MTPAP: variants seen among roughly 807,000 people sequenced by gnomAD.
MTPAP encodes poly(A) RNA polymerase, mitochondrial.
In MTPAP, 23 loss-of-function variants were observed where a neutral mutation model predicts 48.7. The ratio of observed to expected loss-of-function variants is 0.47; its 90% CI spans 0.34 to 0.67. MTPAP has a LOEUF of 0.67. Among genes scored for constraint, MTPAP ranks in the 30% least tolerant of loss-of-function variants. The pLI, the probability that MTPAP is intolerant of heterozygous loss-of-function variation, is 0.01. For missense variants in MTPAP, 614 were observed against 694.3 expected (o/e 0.88, Z 1.30); for synonymous variants, 257 against 254.1 (o/e 1.01, Z -0.11).
At chr10:30,327,941 C>T (rs187571563) in intron 4 of MTPAP, among the ~76,000 whole-genome samples, 4 of 151,704 alleles carry the variant, frequency 2.6e-5, no homozygotes, top group Admixed American at 2.0e-4. Context: ...TGAGTGAATG[C>T]TTTTACGATC....
intron 4 of MTPAP, among the ~76,000 whole-genome samples, chr10:30,333,665 A>G (rs891722866): frequency 1.3e-5 from 2 of 152,178 alleles, no homozygotes; most frequent in African/African-American, 2.4e-5. Context: ...CTATAATCGT[A>G]GCACTTGGGG....
intron 3 of MTPAP, among the ~76,000 whole-genome samples, chr10:30,338,748 C>A (rs1564523237): frequency 6.6e-6 from 1 of 152,128 alleles, no homozygotes; most frequent in East Asian, 1.9e-4. Context: ...GAAAATTAAA[C>A]CTTGAAAATA....
At chr10:30,318,208 T>A (rs959615479) in intron 6 of MTPAP, among the ~76,000 whole-genome samples, 2 of 152,280 alleles carry the variant, frequency 1.3e-5, no homozygotes, top group African/African-American at 4.8e-5. Context: ...TAAATAAGCC[T>A]CCTATAAATT....
chr10:30,328,296 A>G (rs1221843069), intron 4 of MTPAP, among the ~76,000 whole-genome samples: 2 of 152,242 alleles, frequency 1.3e-5, no homozygotes, highest in Non-Finnish European at 2.9e-5. Flanking sequence ...AAAGACAAAC[A>G]GGTTAGTGAC....
chr10:30,340,301 C>T lies in MTPAP; in HGVS notation c.480G>A (p.Arg160=), dbSNP rs1247840684. The T allele has an allele frequency of 6.2e-7, 1 of 1,614,114 alleles. No homozygotes were observed. Among genetic ancestry groups the T allele is most frequent in the South Asian group, 1.1e-5 (1 of 91,076 alleles). The change falls in exon 3 of 9, where the codon CGG becomes CGA. Residue 160 remains arginine, a synonymous_variant. Coordinates refer to ENST00000263063, the MANE Select transcript of MTPAP (RefSeq NM_018109.4). ...NLKLKNQTSE[R]SRVRSSNQLP... is the part of the protein sequence containing the mutation. ...ACTGATTACTTGACCGTACGCGTGA[C>T]CGTTCAGAAGTCTGGTTTTTCAACT...
At chr10:30,329,064 T>G (rs1834632308) in intron 4 of MTPAP, among the ~76,000 whole-genome samples, 1 of 151,524 alleles carries the variant, frequency 6.6e-6, no homozygotes, top group South Asian at 2.1e-4. Context: ...GCCAACATGG[T>G]GAAACCCCAT....
intron 4 of MTPAP, among the ~76,000 whole-genome samples, chr10:30,332,590 G>A (rs904855285): frequency 9.2e-5 from 14 of 152,186 alleles, no homozygotes; most frequent in South Asian, 2.1e-4. Context: ...CACTGTGCCC[G>A]GCCCAAAATG....
At chr10:30,337,318 G>A (rs1209463961) in intron 3 of MTPAP, among the ~76,000 whole-genome samples, 1 of 152,190 alleles carries the variant, frequency 6.6e-6, no homozygotes, top group Non-Finnish European at 1.5e-5. Context: ...CAGCTACTCA[G>A]GAGGCTGAGG....
chr10:30,341,708 G>T (rs963185528), intron 1 of MTPAP, 68 bp from the exon 2 acceptor site: 2 of 1,563,964 alleles, frequency 1.3e-6, no homozygotes, highest in Non-Finnish European at 8.8e-7. Context: ...TTTTGATAAG[G>T]TGTTTAAAGA....
intron 1 of MTPAP, 120 bp from the exon 2 acceptor site, chr10:30,341,760 T>TC: frequency 9.5e-7 from 1 of 1,049,560 alleles, no homozygotes; most frequent in Non-Finnish European, 1.4e-6. Context: ...ATCTATTTTT[T>TC]CTCTTCCTTT....
At chr10:30,348,991 G>T in intron 1 of MTPAP, 128 bp downstream of exon 1, 1 of 1,386,330 alleles carries the variant, frequency 7.2e-7, no homozygotes, top group Non-Finnish European at 1.0e-6. Context: ...GGAGAGGAGA[G>T]GACAGGACAC....
rs757093753 is a variant in MTPAP, at chr10:30,340,311, G to A, written c.470C>T (p.Thr157Ile). Residue 157 changes from threonine to isoleucine, a missense_variant, in exon 3 of 9, where the codon ACT becomes ATT. Physicochemically the swap from Thr to Ile is moderately conservative, Grantham distance 89. Transcript: ENST00000263063. ...TGACCGTACGCGTGACCGTTCAGAAGTCTGGTTTTTCAACTTCAGATTGAA... is the reference window on the plus strand; with the variant it reads ...TGACCGTACGCGTGACCGTTCAGAAATCTGGTTTTTCAACTTCAGATTGAA... ...RFFNLKLKNQ[T>I]SERSRVRSSN... 1 of 1,614,190 alleles carries A rather than the reference G, an allele frequency of 6.2e-7. No individual in the cohort carries two copies. The highest frequency in any genetic ancestry group is 1.7e-5 in the Admixed American group (1 of 60,022).
intron 6 of MTPAP, 91 bp from the exon 7 acceptor site, chr10:30,316,301 G>A (rs1255121820): frequency 3.1e-5 from 31 of 995,702 alleles, no homozygotes; most frequent in South Asian, 5.6e-5. Context: ...GGAGTGTAGC[G>A]GCATGATCTC....
chr10:30,348,205 A>G (rs755799117), intron 1 of MTPAP, among the ~76,000 whole-genome samples: 5 of 152,224 alleles, frequency 3.3e-5, no homozygotes, highest in Non-Finnish European at 5.9e-5. Flanking sequence ...TCCAATCAAT[A>G]TTTGAATGAA....
intron 4 of MTPAP, among the ~76,000 whole-genome samples, chr10:30,330,711 C>A (rs1392539950): frequency 6.6e-6 from 1 of 152,288 alleles, no homozygotes; most frequent in South Asian, 2.1e-4. Flanking sequence ...CATGTTCTTG[C>A]CCCTCTAAGG....
At chr10:30,337,634 T>C (rs1479581624) in intron 3 of MTPAP, among the ~76,000 whole-genome samples, 4 of 152,176 alleles carry the variant, frequency 2.6e-5, no homozygotes, top group Non-Finnish European at 4.4e-5. Context: ...GGAATGCCAC[T>C]AGCAAAATGA....
chr10:30,323,799 T>G (rs931176027), intron 5 of MTPAP, among the ~76,000 whole-genome samples: 1 of 152,254 alleles, frequency 6.6e-6, no homozygotes, highest in African/African-American at 2.4e-5. Context: ...CGTGAGCCAC[T>G]GTGCCCAGCC....
chr10:30,342,005 G>C (rs910703090), intron 1 of MTPAP, among the ~76,000 whole-genome samples: 3 of 152,198 alleles, frequency 2.0e-5, no homozygotes, highest in African/African-American at 7.2e-5. Flanking sequence ...TTGGGAGGCT[G>C]AGGTGGGTGG....
intron 1 of MTPAP, among the ~76,000 whole-genome samples, chr10:30,343,437 G>T (rs987902451): frequency 6.6e-6 from 1 of 151,086 alleles, no homozygotes; most frequent in Non-Finnish European, 1.5e-5. Context: ...AAATTCCAAA[G>T]AAATTAAATA....
Sources: gnomAD v4.1 joint callset for allele counts (sites outside exome capture counted in the v4.1 genomes callset) on GRCh38, gnomAD v4.1.1 for gene constraint, MANE v1.5 for transcripts, NCBI Gene and HGNC (gene_info 2026-07-23, HGNC 2026-07-21) for gene names.